Variants in SLC12A3 observed in about 807,000 individuals in gnomAD.
SLC12A3 encodes Na-Cl cotransporter.
Under a neutral mutation model 121.0 loss-of-function variants are expected in SLC12A3, and 104 were observed. That is an observed-to-expected ratio of 0.86 (90% CI 0.73 to 1.01). SLC12A3 has a LOEUF of 1.01. Ranked by LOEUF, SLC12A3 falls within the 50% of genes least tolerant of loss-of-function variation. The pLI is 0.00. For synonymous variants in SLC12A3, 536 were observed against 533.4 expected (o/e 1.00, Z -0.07); for missense variants, 1,328 against 1,356.3 (o/e 0.98, Z 0.33).
In SLC12A3 at chr16:56,865,287, G is replaced by A. The variant is rs760238799; in HGVS notation, c.52G>A (p.Gly18Arg). ...ETPGDATLCS[G>R]RFTISTLLSS... The stretch of plus-strand genomic sequence containing the variant: ...GCCTGGGGACGCCACTTTGTGCAGC[G>A]GGCGCTTCACCATCAGCACACTGCT... Residue 18 changes from glycine to arginine, a missense_variant, in exon 1 of 26, where the codon GGG becomes AGG. Transcript: ENST00000563236. The A allele has an allele frequency of 2.2e-5, 35 of 1,613,818 alleles. No homozygotes were observed. Among genetic ancestry groups the A allele is most frequent in the South Asian group, 3.3e-5 (3 of 91,088 alleles).
intron 24 of SLC12A3, 23 bp downstream of exon 24, chr16:56,902,531 G>GGGGGCC: frequency 1.1e-4 from 75 of 713,866 alleles, no homozygotes; most frequent in Non-Finnish European, 1.5e-4. Context: ...GTGGGGGTGG[G>GGGGGCC]AAACGCGACA....
intron 14 of SLC12A3, 151 bp downstream of exon 14, chr16:56,884,355 G>A: frequency 1.2e-6 from 1 of 816,784 alleles, no homozygotes. Context: ...TCCCAATGTG[G>A]CAAGAAACCC....
chr16:56,893,333 G>A (rs185067923), intron 21 of SLC12A3, among the ~76,000 whole-genome samples: 193 of 152,318 alleles, frequency 1.3e-3, no homozygotes, highest in Admixed American at 3.1e-3. Context: ...GGAGATGGGC[G>A]GTGCCCAGGA....
chr16:56,898,796 C>T lies in SLC12A3; in HGVS notation c.2634-734C>T, dbSNP rs117200222. On this transcript the variant is annotated intron_variant, in intron 22 of 25. Transcript: ENST00000563236. ...TACCTAGTTTCTTGTGGGTTATCTT[C>T]GCTTCCTCAGCCGCTCTAGAATTTC... Among the ~76,000 whole-genome samples, 219 of 152,318 alleles carry T rather than the reference C, an allele frequency of 1.4e-3. 2 individuals carry two copies. The highest frequency in any genetic ancestry group is 0.014 in the East Asian group (73 of 5,184).
intron 25 of SLC12A3, 162 bp downstream of exon 25, chr16:56,904,624 T>A: frequency 1.4e-6 from 1 of 698,790 alleles, no homozygotes; most frequent in Non-Finnish European, 2.5e-6. Context: ...TCTTAGCATG[T>A]GGCTGGGCCT....
chr16:56,877,013 C>T (rs2055172353), intron 8 of SLC12A3, among the ~76,000 whole-genome samples: 2 of 152,234 alleles, frequency 1.3e-5, no homozygotes, highest in Non-Finnish European at 2.9e-5. Flanking sequence ...GGTGCCCAGG[C>T]CACTTCTCAG....
chr16:56,886,510 C>T (rs758478464), intron 16 of SLC12A3, 35 bp downstream of exon 16: 16 of 1,540,128 alleles, frequency 1.0e-5, no homozygotes, highest in Non-Finnish European at 1.3e-5. Flanking sequence ...GGGGACCAGG[C>T]ATGGTGGCTC....
At chr16:56,887,215 T>C in intron 17 of SLC12A3, 122 bp downstream of exon 17, 1 of 1,238,654 alleles carries the variant, frequency 8.1e-7, no homozygotes, top group Admixed American at 2.2e-5. Context: ...CCCAACTTTT[T>C]TTTTTTGAGA....
At chr16:56,883,910 G>C in intron 13 of SLC12A3, 139 bp from the exon 14 acceptor site, 1 of 839,872 alleles carries the variant, frequency 1.2e-6, no homozygotes, top group Non-Finnish European at 1.9e-6. Context: ...AGGGTGGGTG[G>C]TGCTCATGGC....
At chr16:56,869,299 G>T (rs1199042855) in intron 3 of SLC12A3, among the ~76,000 whole-genome samples, 1 of 152,144 alleles carries the variant, frequency 6.6e-6, no homozygotes, top group Admixed American at 6.5e-5. Flanking sequence ...GGGCTCACTG[G>T]CTATTCAGAG....
intron 1 of SLC12A3, among the ~76,000 whole-genome samples, chr16:56,866,740 G>A (rs1213047960): frequency 1.3e-5 from 2 of 152,138 alleles, no homozygotes; most frequent in Non-Finnish European, 2.9e-5. Context: ...CTGAGTAGCT[G>A]GGACCACAGG....
rs375828467 is a variant in SLC12A3, at chr16:56,886,354, C to G, written c.1926-10C>G. ...CTGATGGCTCCTGCCCTTTTCCCTT[C>G]CCTCCTCAGCCCCCAGTGCCTGGTG... On this transcript the variant is annotated splice_polypyrimidine_tract_variant and intron_variant, in intron 15 of 25. Transcript: ENST00000563236. The G allele has an allele frequency of 1.9e-4, 311 of 1,605,638 alleles. No individual in the cohort carries two copies. Among genetic ancestry groups the G allele is most frequent in the Non-Finnish European group, 1.4e-4 (169 of 1,172,546 alleles).
At chr16:56,894,680 A>G (rs1308848024) in intron 22 of SLC12A3, 38 bp downstream of exon 22, 1 of 1,492,182 alleles carries the variant, frequency 6.7e-7, no homozygotes, top group Non-Finnish European at 9.3e-7. Context: ...GACTGCAGGG[A>G]CCAGTGTCAT....
intron 17 of SLC12A3, 127 bp from the exon 18 acceptor site, chr16:56,887,798 A>ATATATATATATATATATT (rs1433682477): frequency 1.2e-4 from 8 of 68,428 alleles, no homozygotes; most frequent in African/African-American, 1.7e-4. Context: ...ATATATATAT[A>ATATATATATATATATATT]TTTTTTTTTT....
Position 56,865,496 on chromosome 16 carries a change from T to C in SLC12A3, c.261T>C (p.Ala87=), listed in dbSNP as rs1396366921. 3 of 1,613,126 alleles carry C rather than the reference T, an allele frequency of 1.9e-6. No homozygotes were observed. Among genetic ancestry groups the C allele is most frequent in the Non-Finnish European group, 2.5e-6 (3 of 1,180,054 alleles). The change falls in exon 1 of 26, where the codon GCT becomes GCC. Residue 87 remains alanine (A), a synonymous_variant. Transcript: ENST00000563236. ...CCCGGAAGGTCCGGCCCACACTGGCTGACCTGCACTCCTTCCTCAAGGTAA... is the reference window on the plus strand; with the variant it reads ...CCCGGAAGGTCCGGCCCACACTGGCCGACCTGCACTCCTTCCTCAAGGTAA... ...GEPRKVRPTL[A]DLHSFLKQEG... is the part of the protein sequence containing the mutation.
intron 8 of SLC12A3, 28 bp from the exon 9 acceptor site, chr16:56,878,049 T>TCCCCCCCCCCCCCCCC: frequency 6.9e-6 from 2 of 288,248 alleles, no homozygotes; most frequent in Non-Finnish European, 6.7e-6. Context: ...CCTCCCTCCC[T>TCCCCCCCCCCCCCCCC]CCCTCCCTCT....
intron 25 of SLC12A3, among the ~76,000 whole-genome samples, chr16:56,906,282 T>C (rs2055606970): frequency 6.6e-6 from 1 of 152,210 alleles, no homozygotes; most frequent in African/African-American, 2.4e-5. Flanking sequence ...ACCAGCAATG[T>C]TTCTTTTATG....
rs969277033 is a variant in SLC12A3, at chr16:56,884,264, C to T, written c.1825+60C>T. Reference sequence around the variant, plus strand: ...CCCCCAGGGTAGCCATGCAGGCGGCCCTGCCCTCCGCCCCAGTTGGAGGGC... The same window carrying T: ...CCCCCAGGGTAGCCATGCAGGCGGCTCTGCCCTCCGCCCCAGTTGGAGGGC... On this transcript the variant is annotated intron_variant, in intron 14 of 25. Transcript: ENST00000563236. The T allele has an allele frequency of 2.6e-5, 41 of 1,582,614 alleles. 1 individual carries two copies. Among genetic ancestry groups the T allele is most frequent in the Non-Finnish European group, 3.4e-5 (39 of 1,155,542 alleles).
At chr16:56,878,313 G>A in intron 9 of SLC12A3, 152 bp downstream of exon 9, 4 of 665,278 alleles carry the variant, frequency 6.0e-6, no homozygotes, top group South Asian at 3.4e-5. Context: ...GCGACCTTAG[G>A]ATGTGAAGCC....
Sources: gnomAD v4.1 joint callset for allele counts (sites outside exome capture counted in the v4.1 genomes callset) on GRCh38, gnomAD v4.1.1 for gene constraint, MANE v1.5 for transcripts, NCBI Gene and HGNC (gene_info 2026-07-23, HGNC 2026-07-21) for gene names.